Variants in SNRNP40 observed in about 807,000 individuals in gnomAD.
SNRNP40 encodes U5 small nuclear ribonucleoprotein 40 kDa protein.
In SNRNP40, 21 loss-of-function variants were observed where a neutral mutation model predicts 45.8. The observed-to-expected ratio is 0.46, with a 90% CI of 0.32 to 0.66. The LOEUF (loss-of-function observed/expected upper bound fraction) is 0.66. SNRNP40 is among the 30% of genes least tolerant of loss of function. The probability of loss-of-function intolerance (pLI) is 0.03; values close to 1 mark genes in which losing one functional copy is unlikely to be tolerated. For synonymous variants in SNRNP40, 142 were observed against 163.8 expected (o/e 0.87, Z 1.01); for missense variants, 344 against 439.1 (o/e 0.78, Z 1.94).
In SNRNP40 at chr1:31,294,114, C is replaced by T. The variant is rs1019245424; in HGVS notation, c.142-766G>A. 1.3e-4 allele frequency among the ~76,000 whole-genome samples: 19 copies of T among 151,820 alleles called. No homozygotes were observed. In the East Asian group the frequency reaches 1.4e-3, roughly 11 times the overall value. The stretch of plus-strand genomic sequence containing the variant: ...CCAAGATTACAGGCATGCACAACCA[C>T]GCCCGGCTAATTTTTGTATTTTTAG... On this transcript the variant is annotated intron_variant, in intron 1 of 9. Coordinates refer to ENST00000263694, the MANE Select transcript of SNRNP40 (RefSeq NM_004814.3).
At chr1:31,265,682 T>C (rs1394959166) in intron 8 of SNRNP40, among the ~76,000 whole-genome samples, 1 of 151,878 alleles carries the variant, frequency 6.6e-6, no homozygotes, top group Non-Finnish European at 1.5e-5. Flanking sequence ...CTACTAAAAA[T>C]ACAAAAAACT....
At chr1:31,282,557 G>GGCTA (rs1288223316) in intron 4 of SNRNP40, 2 of 128,064 alleles carry the variant, frequency 1.6e-5, no homozygotes, top group Non-Finnish European at 3.3e-5. Flanking sequence ...CTGTCGCCTA[G>GGCTA]GCTATCTATC....
At chr1:31,280,783 A>G (rs1009117322) in intron 5 of SNRNP40, among the ~76,000 whole-genome samples, 24 of 126,742 alleles carry the variant, frequency 1.9e-4, no homozygotes, top group African/African-American at 6.8e-4. Context: ...TTTTTTTTTT[A>G]TCATTACCCC....
intron 5 of SNRNP40, among the ~76,000 whole-genome samples, chr1:31,278,739 C>T (rs971818776): frequency 5.9e-5 from 9 of 152,144 alleles, no homozygotes; most frequent in Admixed American, 6.6e-5. Flanking sequence ...TACTGTACAG[C>T]TAGTTGTACA....
chr1:31,294,954 AAAG>A (rs1301370133), intron 1 of SNRNP40, among the ~76,000 whole-genome samples: 2 of 151,914 alleles, frequency 1.3e-5, no homozygotes, highest in African/African-American at 2.4e-5. Context: ...AAAAAAAAAA[AAAG>A]AAGTTACGTG....
intron 5 of SNRNP40, among the ~76,000 whole-genome samples, chr1:31,276,958 C>T (rs921260028): frequency 1.3e-5 from 2 of 151,736 alleles, no homozygotes; most frequent in Admixed American, 6.6e-5. Context: ...CACTTGAGTC[C>T]GGGAGGTGGA....
At chr1:31,284,534 CAATA>C (rs1183299322) in intron 4 of SNRNP40, among the ~76,000 whole-genome samples, 5 of 152,118 alleles carry the variant, frequency 3.3e-5, no homozygotes, top group African/African-American at 1.2e-4. Context: ...AGAGATGTTT[CAATA>C]AATGAATGAC....
intron 5 of SNRNP40, among the ~76,000 whole-genome samples, chr1:31,280,113 C>A (rs1248933491): frequency 0.01 from 687 of 67,586 alleles, no homozygotes; most frequent in African/African-American, 0.014. Context: ...GACTCTGACT[C>A]AAAAAAAAAA....
At chr1:31,289,778 G>A (rs1293990308) in intron 3 of SNRNP40, among the ~76,000 whole-genome samples, 1 of 152,226 alleles carries the variant, frequency 6.6e-6, no homozygotes, top group Non-Finnish European at 1.5e-5. Context: ...TGGTGCTGCA[G>A]AGATCAGACA....
At position 31,296,761 on chromosome 1, in the gene SNRNP40, CG is replaced by C. The variant is rs1489358095; in HGVS notation, c.-11del. ...TCTGCTGTTCTATCATGGCGGCAACCGGTCTCTTCAGCGCCGCCACTGACCG... is the reference window on the plus strand; with the variant it reads ...TCTGCTGTTCTATCATGGCGGCAACCGTCTCTTCAGCGCCGCCACTGACCG... On this transcript the variant is annotated 5_prime_UTR_variant, in exon 1 of 10. Coordinates refer to ENST00000263694, the MANE Select transcript of SNRNP40 (RefSeq NM_004814.3). 1 of 1,591,388 alleles carries C rather than the reference CG, an allele frequency of 6.3e-7. No homozygotes were observed. The highest frequency in any genetic ancestry group is 2.3e-5 in the East Asian group (1 of 44,226).
intron 5 of SNRNP40, among the ~76,000 whole-genome samples, chr1:31,272,597 A>G (rs1325944864): frequency 6.6e-6 from 1 of 152,212 alleles, no homozygotes; most frequent in African/African-American, 2.4e-5. Flanking sequence ...AGGGATAACA[A>G]TAGCTACTTC....
chr1:31,286,582 C>T (rs1332574781), intron 4 of SNRNP40, among the ~76,000 whole-genome samples: 2 of 152,166 alleles, frequency 1.3e-5, no homozygotes, highest in Non-Finnish European at 2.9e-5. Context: ...ATCATTTCTA[C>T]CCTGTGTGGA....
At chr1:31,295,668 C>T (rs998173576) in intron 1 of SNRNP40, among the ~76,000 whole-genome samples, 1 of 152,172 alleles carries the variant, frequency 6.6e-6, no homozygotes, top group African/African-American at 2.4e-5. Context: ...AGTACAAAGC[C>T]ACCAGAAAGT....
intron 8 of SNRNP40, among the ~76,000 whole-genome samples, chr1:31,266,459 T>C (rs1645897513): frequency 6.6e-6 from 1 of 152,122 alleles, no homozygotes; most frequent in Non-Finnish European, 1.5e-5. Context: ...TTGCAGCCCA[T>C]CAGACTCGAC....
At chr1:31,277,825 G>C (rs1014679971) in intron 5 of SNRNP40, among the ~76,000 whole-genome samples, 2 of 152,176 alleles carry the variant, frequency 1.3e-5, no homozygotes, top group African/African-American at 4.8e-5. Context: ...CTCTTGAGTA[G>C]CTGGGATTAC....
chr1:31,263,161 A>G lies in SNRNP40; in HGVS notation c.921-1529T>C, dbSNP rs180745490. 252 of 152,278 alleles carry G rather than the reference A, an allele frequency of 1.7e-3. 1 individual carries two copies. Among genetic ancestry groups the G allele is most frequent in the African/African-American group, 4.9e-3 (202 of 41,504 alleles). 9.4% of individuals were successfully genotyped at this position (152,278 alleles called of 1,614,324 possible). A position where few individuals can be genotyped will look rare whatever the true frequency, so the allele number is the denominator to read the frequency against. ...TGTACTTTCTGCAATGCTAGAATAA[A>G]TAAAAAAAAACTTCTACATTTCTCT... On this transcript the variant is annotated intron_variant, in intron 8 of 9. Coordinates refer to ENST00000263694, the MANE Select transcript of SNRNP40 (RefSeq NM_004814.3).
intron 5 of SNRNP40, among the ~76,000 whole-genome samples, chr1:31,277,678 G>A (rs766775357): frequency 1.4e-4 from 22 of 152,036 alleles, no homozygotes; most frequent in Admixed American, 9.2e-4. Flanking sequence ...GTTTGTGGAC[G>A]GATTAAACGC....
chr1:31,283,873 T>C (rs1557678518), intron 4 of SNRNP40, among the ~76,000 whole-genome samples: 1 of 152,142 alleles, frequency 6.6e-6, no homozygotes, highest in Admixed American at 6.5e-5. Flanking sequence ...CCTAACATGA[T>C]ACACAAAAAT....
At chr1:31,283,086 A>C (rs956163053) in intron 4 of SNRNP40, among the ~76,000 whole-genome samples, 4 of 152,194 alleles carry the variant, frequency 2.6e-5, no homozygotes. Flanking sequence ...CACAAGCAGG[A>C]AGTGAAAGCT....
Sources: allele counts gnomAD v4.1 joint callset (sites outside exome capture counted in the v4.1 genomes callset), GRCh38; gene constraint gnomAD v4.1.1; transcripts MANE v1.5; gene names NCBI Gene and HGNC (gene_info 2026-07-23, HGNC 2026-07-21).